PDE2A: variants seen among roughly 807,000 people sequenced by gnomAD.
PDE2A encodes the protein phosphodiesterase 2A, also known as cGMP-dependent 3',5'-cyclic phosphodiesterase.
A neutral mutation model predicts 133.6 loss-of-function variants in PDE2A; 53 were observed. The ratio of observed to expected loss-of-function variants is 0.40; its 90% CI spans 0.32 to 0.50. PDE2A has a LOEUF of 0.50. Ranked by LOEUF, PDE2A falls within the 20% of genes least tolerant of loss-of-function variation. The probability of loss-of-function intolerance (pLI) is 0.73; values close to 1 mark genes in which losing one functional copy is unlikely to be tolerated. For missense variants in PDE2A, 796 were observed against 1,232.4 expected (o/e 0.65, Z 5.30); for synonymous variants, 491 against 490.2 (o/e 1.00, Z -0.02).
At chr11:72,668,299 T>C (rs1030078885) in intron 1 of PDE2A, 1 of 718,644 alleles carries the variant, frequency 1.4e-6, no homozygotes, top group Non-Finnish European at 2.6e-6. Context: ...GCTGAATACC[T>C]GTGGGCAAGC....
At chr11:72,587,900 G>C (rs1315511618) in intron 13 of PDE2A, 2 of 152,288 alleles carry the variant, frequency 1.3e-5, no homozygotes, top group African/African-American at 4.8e-5. Flanking sequence ...TCAGGCCCGG[G>C]CTCTGACACC....
chr11:72,618,063 T>C (rs1462476534), intron 2 of PDE2A, among the ~76,000 whole-genome samples: 1 of 152,164 alleles, frequency 6.6e-6, no homozygotes, highest in Non-Finnish European at 1.5e-5. Flanking sequence ...GTCCCTCCCT[T>C]GCACAAGACT....
At chr11:72,605,417 G>A (rs146939713) in intron 3 of PDE2A, among the ~76,000 whole-genome samples, 191 bp from the exon 4 acceptor site, 65 of 152,296 alleles carry the variant, frequency 4.3e-4, no homozygotes, top group Middle Eastern at 3.4e-3. Context: ...GGTGAACTAA[G>A]CACCTCGTCC....
At chr11:72,634,109 A>G (rs1421972472) in intron 2 of PDE2A, among the ~76,000 whole-genome samples, 2 of 152,184 alleles carry the variant, frequency 1.3e-5, no homozygotes, top group Non-Finnish European at 2.9e-5. Context: ...GCCAGAGACG[A>G]GACCTCACGG....
intron 1 of PDE2A, among the ~76,000 whole-genome samples, chr11:72,660,827 G>A (rs917049731): frequency 2.6e-5 from 4 of 151,956 alleles, no homozygotes; most frequent in Admixed American, 2.0e-4. Flanking sequence ...TAGGGGTAGG[G>A]CACAGCCAAG....
chr11:72,637,166 C>T (rs762775888), intron 2 of PDE2A, among the ~76,000 whole-genome samples: 10 of 152,226 alleles, frequency 6.6e-5, no homozygotes, highest in South Asian at 2.1e-4. Context: ...CCCCAACATG[C>T]CCCTCCCTCC....
chr11:72,650,422 C>T (rs2135447339), intron 1 of PDE2A, among the ~76,000 whole-genome samples: 1 of 152,218 alleles, frequency 6.6e-6, no homozygotes, highest in Non-Finnish European at 1.5e-5. Flanking sequence ...GGTCTCCCAC[C>T]CACAGAGCCC....
intron 1 of PDE2A, among the ~76,000 whole-genome samples, chr11:72,656,704 C>G (rs1854910897): frequency 6.6e-6 from 1 of 152,014 alleles, no homozygotes; most frequent in African/African-American, 2.4e-5. Flanking sequence ...GTAGTGATTA[C>G]CTGGGAAAAT....
chr11:72,624,556 AGT>A (rs1350983532), intron 2 of PDE2A, among the ~76,000 whole-genome samples: 3 of 152,094 alleles, frequency 2.0e-5, no homozygotes, highest in Non-Finnish European at 4.4e-5. Flanking sequence ...GTCACAATTC[AGT>A]GTCAGACACT....
At chr11:72,629,908 C>A (rs758216109) in intron 2 of PDE2A, among the ~76,000 whole-genome samples, 4 of 152,170 alleles carry the variant, frequency 2.6e-5, no homozygotes, top group African/African-American at 7.2e-5. Context: ...TCCTGGCACA[C>A]AGGAGGGCTG....
At chr11:72,582,631 AT>A in intron 20 of PDE2A, 65 bp from the exon 21 acceptor site, 3 of 1,497,520 alleles carry the variant, frequency 2.0e-6, no homozygotes, top group Non-Finnish European at 2.7e-6. Flanking sequence ...TCACCCTCAA[AT>A]TCCCATGGCA....
At chr11:72,584,343 C>T in intron 18 of PDE2A, 30 bp from the exon 19 acceptor site, 2 of 1,444,628 alleles carry the variant, frequency 1.4e-6, no homozygotes, top group Non-Finnish European at 1.9e-6. Flanking sequence ...AAGGAACCAC[C>T]GGTGGAGGGA....
At chr11:72,602,610 G>A (rs938285959) in intron 4 of PDE2A, among the ~76,000 whole-genome samples, 5 of 152,284 alleles carry the variant, frequency 3.3e-5, no homozygotes, top group South Asian at 4.1e-4. Context: ...CAGAAAAAAG[G>A]CCAGAAGAGA....
chr11:72,612,911 G>T (rs1591069025), intron 2 of PDE2A, among the ~76,000 whole-genome samples: 1 of 152,354 alleles, frequency 6.6e-6, no homozygotes, highest in South Asian at 2.1e-4. Flanking sequence ...TGAAGCCAGG[G>T]TTGGGGCTCA....
chr11:72,615,994 AC>A (rs1428201219), intron 2 of PDE2A, among the ~76,000 whole-genome samples: 3 of 152,048 alleles, frequency 2.0e-5, no homozygotes, highest in Non-Finnish European at 4.4e-5. Flanking sequence ...GAGTTTGGTG[AC>A]CCTGAATGTC....
At chr11:72,671,997 T>C (rs1855396243) in intron 1 of PDE2A, among the ~76,000 whole-genome samples, 1 of 152,044 alleles carries the variant, frequency 6.6e-6, no homozygotes, top group African/African-American at 2.4e-5. Context: ...CTGAGCCACC[T>C]AGACATTCCC....
chr11:72,670,833 A>G (rs1855368474), intron 1 of PDE2A, among the ~76,000 whole-genome samples: 1 of 152,168 alleles, frequency 6.6e-6, no homozygotes, highest in East Asian at 1.9e-4. Flanking sequence ...GACAGATATA[A>G]CCACCACAAG....
chr11:72,579,234 C>T (rs937254008), intron 27 of PDE2A, 50 bp downstream of exon 27: 10 of 1,393,268 alleles, frequency 7.2e-6, no homozygotes, highest in African/African-American at 2.8e-5. Flanking sequence ...GCAAATCCTT[C>T]CCCTGGTTGT....
intron 2 of PDE2A, among the ~76,000 whole-genome samples, chr11:72,634,553 G>A (rs1858586948): frequency 6.6e-6 from 1 of 152,216 alleles, no homozygotes; most frequent in African/African-American, 2.4e-5. Flanking sequence ...CTGTGCAGCT[G>A]TACTGGGCTT....
Sources: allele counts gnomAD v4.1 joint callset (sites outside exome capture counted in the v4.1 genomes callset), GRCh38; gene constraint gnomAD v4.1.1; transcripts MANE v1.5; gene names NCBI Gene and HGNC (gene_info 2026-07-23, HGNC 2026-07-21).